The following KAZN variants were observed in gnomAD, a reference collection of about 807,000 sequenced individuals.
KAZN encodes the protein kazrin, periplakin interacting protein.
A neutral mutation model predicts 87.4 loss-of-function variants in KAZN; 40 were observed. The ratio of observed to expected loss-of-function variants is 0.46; its 90% CI spans 0.36 to 0.60. KAZN has a LOEUF of 0.60. Ranked by LOEUF, KAZN falls within the 20% of genes least tolerant of loss-of-function variation. KAZN has a pLI of 0.00. For synonymous variants in KAZN, 466 were observed against 458.3 expected (o/e 1.02, Z -0.22); for missense variants, 898 against 1,073.9 (o/e 0.84, Z 2.29).
chr1:14,594,285 T>G (rs188923353), upstream of KAZN, among the ~76,000 whole-genome samples: 2 of 152,326 alleles, frequency 1.3e-5, no homozygotes, highest in African/African-American at 4.8e-5. Context: ...CTGTCAGCAA[T>G]GGGTTAGGCC....
intron 1 of KAZN, among the ~76,000 whole-genome samples, chr1:14,771,429 A>G (rs941178106): frequency 6.6e-6 from 1 of 152,190 alleles, no homozygotes; most frequent in African/African-American, 2.4e-5. Flanking sequence ...TCGGGTCCTA[A>G]TGAGTCTAAA....
intron 8 of KAZN, among the ~76,000 whole-genome samples, chr1:15,069,557 T>C (rs1275215053): frequency 1.3e-5 from 2 of 151,312 alleles, no homozygotes; most frequent in African/African-American, 4.9e-5. Context: ...AACCCGGGAG[T>C]TGGAGCTTGC....
intron 1 of KAZN, among the ~76,000 whole-genome samples, chr1:14,730,847 A>G (rs1643646684): frequency 6.6e-6 from 1 of 152,082 alleles, no homozygotes; most frequent in Admixed American, 6.5e-5. Flanking sequence ...AGGTGGCTCT[A>G]ATCTCATCTT....
Position 15,103,519 on chromosome 1 carries a change from C to CAA in KAZN, c.1881+59_1881+60insAA, listed in dbSNP as rs1433877132. 9 of 1,105,548 alleles carry CAA rather than the reference C, an allele frequency of 8.1e-6. No homozygotes were observed. In the African/African-American group the frequency reaches 1.4e-4, roughly 17 times the overall value. 68.5% of individuals were successfully genotyped at this position (1,105,548 alleles called of 1,614,324 possible). A position where few individuals can be genotyped will look rare whatever the true frequency, so the allele number is the denominator to read the frequency against. ...GGGCATACACAAACCCCATGCAAAT[C>CAA]TATATGCAAATCAATATGCAAATCA... On this transcript the variant is annotated intron_variant, in intron 12 of 14. Transcript: ENST00000376030.
intron 1 of KAZN, among the ~76,000 whole-genome samples, chr1:14,815,743 G>T (rs1646543080): frequency 6.6e-6 from 1 of 152,180 alleles, no homozygotes; most frequent in Non-Finnish European, 1.5e-5. Context: ...CCCATGCTGT[G>T]CCACCCAGGG....
intron 2 of KAZN, among the ~76,000 whole-genome samples, chr1:14,502,818 A>G (rs1023236735): frequency 6.6e-6 from 1 of 152,182 alleles, no homozygotes; most frequent in African/African-American, 2.4e-5. Flanking sequence ...TTTTACAAGC[A>G]TCATCTCATT....
Position 14,012,042 on chromosome 1 carries a change from T to C in KAZN, c.91+118286T>C, listed in dbSNP as rs542395628. Among the ~76,000 whole-genome samples, 32 of 152,284 alleles carry C rather than the reference T, an allele frequency of 2.1e-4. 1 individual carries two copies. The highest frequency in any genetic ancestry group is 7.2e-4 in the African/African-American group (30 of 41,556). ...GGGTGGGGAGAAATGCTAGATGTCT[T>C]GCAATTCACAGAGAAGAATTTCTCC... On this transcript the variant is annotated intron_variant, in intron 1 of 16. Transcript: ENST00000636203.
At chr1:14,521,337 C>T (rs1423722076) in intron 2 of KAZN, among the ~76,000 whole-genome samples, 2 of 152,102 alleles carry the variant, frequency 1.3e-5, no homozygotes, top group African/African-American at 4.8e-5. Context: ...GCATTTATGC[C>T]CCTCCAACCC....
intron 1 of KAZN, among the ~76,000 whole-genome samples, chr1:13,996,494 T>G (rs1159803224): frequency 6.6e-6 from 1 of 152,092 alleles, no homozygotes; most frequent in African/African-American, 2.4e-5. Flanking sequence ...AGGCTGTGCT[T>G]TTTCCCTGCT....
chr1:14,332,476 G>C (rs773087119), intron 2 of KAZN, among the ~76,000 whole-genome samples: 2 of 152,170 alleles, frequency 1.3e-5, no homozygotes, highest in Non-Finnish European at 2.9e-5. Flanking sequence ...GACATTTGCT[G>C]CCTCTGAAGA....
At position 15,103,422 on chromosome 1, in the gene KAZN, C is replaced by A; in HGVS notation, c.1843C>A (p.Gln615Lys). 1 of 1,551,958 alleles carries A rather than the reference C, an allele frequency of 6.4e-7. No homozygotes were observed. The highest frequency in any genetic ancestry group is 1.4e-5 in the African/African-American group (1 of 72,578). ...CATTGACCCCGTGGTGTGGACCAAC[C>A]AGCGGGTGCTCAAGTGGGTTCGAGA... The part of the protein sequence containing the change: ...QNIDPVVWTN[Q>K]RVLKWVRDID... Residue 615 changes from glutamine (Q) to lysine (K), a missense_variant, in exon 12 of 15, where the codon CAG (glutamine) becomes AAG (lysine). Transcript: ENST00000376030.
intron 1 of KAZN, among the ~76,000 whole-genome samples, chr1:14,606,262 G>C (rs1019578476): frequency 6.6e-6 from 1 of 152,196 alleles, no homozygotes; most frequent in African/African-American, 2.4e-5. Flanking sequence ...CCTTTGGCTT[G>C]TTGCATTAGG....
chr1:13,935,455 C>T (rs919040824), intron 1 of KAZN, among the ~76,000 whole-genome samples: 35 of 152,188 alleles, frequency 2.3e-4, no homozygotes, highest in Non-Finnish European at 1.2e-4. Flanking sequence ...AGCCTGTGAT[C>T]TTGACTGCTG....
At chr1:14,958,111 C>T (rs940901542) in intron 1 of KAZN, among the ~76,000 whole-genome samples, 5 of 152,212 alleles carry the variant, frequency 3.3e-5, no homozygotes, top group Non-Finnish European at 7.3e-5. Context: ...CTGCCTGCTC[C>T]CTCCCCTGGA....
At chr1:15,050,564 C>G (rs1056092673) in intron 4 of KAZN, among the ~76,000 whole-genome samples, 1 of 152,176 alleles carries the variant, frequency 6.6e-6, no homozygotes, top group African/African-American at 2.4e-5. Context: ...TTAATGGCCA[C>G]GCTCTGAGTC....
At chr1:14,765,381 C>T (rs1000539075) in intron 1 of KAZN, among the ~76,000 whole-genome samples, 12 of 152,334 alleles carry the variant, frequency 7.9e-5, no homozygotes, top group African/African-American at 1.2e-4. Context: ...TCAGCTGGCC[C>T]GGCAGCCAGG....
chr1:14,621,762 G>A (rs556978634), intron 1 of KAZN, among the ~76,000 whole-genome samples: 241 of 152,290 alleles, frequency 1.6e-3, no homozygotes, highest in African/African-American at 5.3e-3. Flanking sequence ...GTTGTTTGCC[G>A]CCATGTAAGA....
At chr1:14,844,750 G>A (rs921706516) in intron 1 of KAZN, among the ~76,000 whole-genome samples, 1 of 151,934 alleles carries the variant, frequency 6.6e-6, no homozygotes, top group South Asian at 2.1e-4. Context: ...AGCCTGAGAA[G>A]GTGGCAGCTT....
chr1:14,119,080 A>T (rs1166120239), intron 1 of KAZN, among the ~76,000 whole-genome samples: 1 of 152,328 alleles, frequency 6.6e-6, no homozygotes, highest in East Asian at 1.9e-4. Flanking sequence ...TAGAGCCAGG[A>T]TTCTGAATCT....
Sources: allele counts gnomAD v4.1 joint callset (sites outside exome capture counted in the v4.1 genomes callset), GRCh38; gene constraint gnomAD v4.1.1; transcripts MANE v1.5; gene names NCBI Gene and HGNC (gene_info 2026-07-23, HGNC 2026-07-21).